ZDHHC14: variants seen among roughly 807,000 people sequenced by gnomAD.
The protein encoded by ZDHHC14 is palmitoyltransferase ZDHHC14.
A neutral mutation model predicts 47.7 loss-of-function variants in ZDHHC14; 16 were observed. That is an observed-to-expected ratio of 0.34 (90% CI 0.23 to 0.51). ZDHHC14 has a LOEUF of 0.51. Among genes scored for constraint, ZDHHC14 ranks in the 20% least tolerant of loss-of-function variants. ZDHHC14 has a pLI of 0.97. For synonymous variants in ZDHHC14, 293 were observed against 278.9 expected (o/e 1.05, Z -0.50); for missense variants, 515 against 662.5 (o/e 0.78, Z 2.44).
intron 1 of ZDHHC14, among the ~76,000 whole-genome samples, chr6:157,482,165 A>G (rs1339312291): frequency 6.6e-6 from 1 of 152,066 alleles, no homozygotes; most frequent in African/African-American, 2.4e-5. Flanking sequence ...GTTTCAAAAT[A>G]TAAACTTGGC....
chr6:157,575,069 A>G (rs996577149), intron 2 of ZDHHC14, among the ~76,000 whole-genome samples: 3 of 152,114 alleles, frequency 2.0e-5, no homozygotes, highest in Non-Finnish European at 4.4e-5. Context: ...CTGGAAAGTC[A>G]GGTGAGTTGG....
intron 1 of ZDHHC14, among the ~76,000 whole-genome samples, chr6:157,390,301 C>T (rs191737627): frequency 1.1e-4 from 16 of 152,140 alleles, no homozygotes; most frequent in Admixed American, 3.9e-4. Flanking sequence ...ATGTCATATG[C>T]GATATTTCTC....
At chr6:157,593,197 G>C (rs1433246043) in intron 3 of ZDHHC14, 51 bp downstream of exon 3, 2 of 1,566,642 alleles carry the variant, frequency 1.3e-6, no homozygotes, top group East Asian at 2.2e-5. Flanking sequence ...CTCCGGGTGG[G>C]TTTGCGCCTC....
intron 1 of ZDHHC14, among the ~76,000 whole-genome samples, chr6:157,444,943 A>G (rs1226504250): frequency 5.9e-5 from 9 of 152,130 alleles, no homozygotes; most frequent in African/African-American, 1.9e-4. Flanking sequence ...AGAAGTGGGC[A>G]TGTGGCCAGA....
intron 3 of ZDHHC14, among the ~76,000 whole-genome samples, chr6:157,596,587 G>T (rs1164230864): frequency 1.3e-5 from 2 of 152,198 alleles, no homozygotes; most frequent in Non-Finnish European, 2.9e-5. Context: ...GGCCCCAGTG[G>T]TTGGGGACCT....
chr6:157,503,549 T>A (rs942499465), intron 1 of ZDHHC14, among the ~76,000 whole-genome samples: 1 of 152,184 alleles, frequency 6.6e-6, no homozygotes, highest in Non-Finnish European at 1.5e-5. Context: ...CAATGCTCAT[T>A]ACACAAAGAC....
At chr6:157,552,403 G>T (rs111739872) in intron 2 of ZDHHC14, among the ~76,000 whole-genome samples, 2,091 of 152,178 alleles carry the variant, frequency 0.014, 47 homozygotes, top group African/African-American at 0.048. Flanking sequence ...GATGTGCTGG[G>T]CGTGAGGAGG....
At chr6:157,638,290 C>T (rs958028663) in intron 5 of ZDHHC14, among the ~76,000 whole-genome samples, 3 of 152,178 alleles carry the variant, frequency 2.0e-5, no homozygotes, top group Admixed American at 1.3e-4. Context: ...AGTCGGTTCT[C>T]CCTCCCTCCG....
intron 1 of ZDHHC14, among the ~76,000 whole-genome samples, chr6:157,416,670 TAAAAAAA>T (rs570772103): frequency 3.5e-4 from 26 of 75,340 alleles, no homozygotes; most frequent in African/African-American, 1.1e-3. Context: ...CCTGTCTCAT[TAAAAAAA>T]AAAAAAAAAA....
chr6:157,596,537 A>T (rs1238304578), intron 3 of ZDHHC14, among the ~76,000 whole-genome samples: 1 of 152,212 alleles, frequency 6.6e-6, no homozygotes, highest in Non-Finnish European at 1.5e-5. Flanking sequence ...TTGAGGACTG[A>T]GAAAGAGCTT....
At chr6:157,497,209 G>A (rs1055552996) in intron 1 of ZDHHC14, among the ~76,000 whole-genome samples, 1 of 152,196 alleles carries the variant, frequency 6.6e-6, no homozygotes, top group African/African-American at 2.4e-5. Context: ...AATGAGGGAA[G>A]CGGGAAGGAA....
intron 1 of ZDHHC14, among the ~76,000 whole-genome samples, chr6:157,504,106 C>T (rs1249442503): frequency 6.6e-6 from 1 of 152,118 alleles, no homozygotes; most frequent in South Asian, 2.1e-4. Context: ...AATAAATGCA[C>T]CATGGGAGAT....
At chr6:157,389,831 GTTA>G (rs943337752) in intron 1 of ZDHHC14, among the ~76,000 whole-genome samples, 5 of 151,852 alleles carry the variant, frequency 3.3e-5, no homozygotes, top group African/African-American at 1.2e-4. Context: ...AGCCAGTAAT[GTTA>G]TTATTTTTAA....
At chr6:157,663,972 A>T (rs778069455) in intron 8 of ZDHHC14, among the ~76,000 whole-genome samples, 1 of 152,098 alleles carries the variant, frequency 6.6e-6, no homozygotes, top group Non-Finnish European at 1.5e-5. Flanking sequence ...TCCTAATTTG[A>T]CCCCAGAGCC....
chr6:157,613,178 G>T (rs996831142), intron 3 of ZDHHC14, among the ~76,000 whole-genome samples: 9 of 152,168 alleles, frequency 5.9e-5, no homozygotes, highest in African/African-American at 2.2e-4. Context: ...AGGGCCTCAC[G>T]TGTGCCTCCT....
Position 157,502,630 on chromosome 6 carries a change from T to C in ZDHHC14, c.246-39955T>C, listed in dbSNP as rs1432142016. 6.6e-6 allele frequency among the ~76,000 whole-genome samples: 1 copy of C among 152,212 alleles called. No homozygotes were observed. Among genetic ancestry groups the C allele is most frequent in the African/African-American group, 2.4e-5 (1 of 41,460 alleles). On this transcript the variant is annotated intron_variant, in intron 1 of 8. Coordinates refer to ENST00000359775, the MANE Select transcript of ZDHHC14 (RefSeq NM_024630.3). This position sits in a 1 kb window ranked among gnomAD's most constrained non-coding sequence, Gnocchi z 4.0. ...TGTTGCTACTGCCCAGCTGCCCACA[T>C]GTGCTAGTAATGCTACTCATGGCTC...
At chr6:157,516,172 C>A (rs1466161000) in intron 1 of ZDHHC14, among the ~76,000 whole-genome samples, 1 of 152,164 alleles carries the variant, frequency 6.6e-6, no homozygotes, top group Non-Finnish European at 1.5e-5. Context: ...TTGTTTCATG[C>A]AGCAAATAGT....
intron 1 of ZDHHC14, among the ~76,000 whole-genome samples, chr6:157,538,768 G>A (rs1781635353): frequency 6.6e-6 from 1 of 152,180 alleles, no homozygotes. Flanking sequence ...TTCAGGAAGC[G>A]GTATTGAGCT....
intron 3 of ZDHHC14, among the ~76,000 whole-genome samples, chr6:157,623,497 T>G (rs934874332): frequency 6.6e-6 from 1 of 151,596 alleles, no homozygotes; most frequent in Non-Finnish European, 1.5e-5. Context: ...TTACCCAGTC[T>G]CGGGTATGCC....
Sources: gnomAD v4.1 joint callset for allele counts (sites outside exome capture counted in the v4.1 genomes callset) on GRCh38, gnomAD v4.1.1 for gene constraint, Gnocchi (gnomAD v3.1) non-coding constraint, MANE v1.5 for transcripts, NCBI Gene and HGNC (gene_info 2026-07-23, HGNC 2026-07-21) for gene names.